The following NEBL variants were observed in gnomAD, a reference collection of about 807,000 sequenced individuals.
NEBL encodes the protein LIM and SH3 protein 2.
A neutral mutation model predicts 140.2 loss-of-function variants in NEBL; 122 were observed. The ratio of observed to expected loss-of-function variants is 0.87; its 90% CI spans 0.75 to 1.01. The LOEUF is 1.01. Among genes scored for constraint, NEBL ranks in the 50% least tolerant of loss-of-function variants. The pLI is 0.00. For missense variants in NEBL, 1,365 were observed against 1,231.3 expected (o/e 1.11, Z -1.62); for synonymous variants, 436 against 398.9 (o/e 1.09, Z -1.11).
rs534880112 is a variant in NEBL, at chr10:20,892,258, G to A, written c.154-2309C>T. 2.6e-5 allele frequency among the ~76,000 whole-genome samples: 4 copies of A among 152,362 alleles called. No homozygotes were observed. In the South Asian group the frequency reaches 8.3e-4, roughly 32 times the overall value. On this transcript the variant is annotated intron_variant, in intron 2 of 27. Coordinates refer to ENST00000377122, the MANE Select transcript of NEBL (RefSeq NM_006393.3). ...TGTGACTTTAGTGGAAATCTTCCCA[G>A]AAGTGCTTCTAGTGTTTCTGGTACA...
At chr10:20,902,650 T>C (rs1847921098) in intron 4 of NEBL, among the ~76,000 whole-genome samples, 3 of 152,176 alleles carry the variant, frequency 2.0e-5, no homozygotes, top group Admixed American at 2.0e-4. Flanking sequence ...TACATTAACA[T>C]AGCGCCCATT....
chr10:20,781,190 TA>T lies in NEBL; in HGVS notation c.*4556del, dbSNP rs1484193438. 1.3e-5 allele frequency: 2 copies of T among 152,638 alleles called. No homozygotes were observed. The highest frequency in any genetic ancestry group is 2.9e-5 in the Non-Finnish European group (2 of 68,046). The allele number at this position is 152,638 out of a possible 1,614,324, so 9.5% of individuals were successfully genotyped here. A position where few individuals can be genotyped will look rare whatever the true frequency, so the allele number is the denominator to read the frequency against. On this transcript the variant is annotated 3_prime_UTR_variant, in exon 28 of 28. Coordinates refer to ENST00000377122, the MANE Select transcript of NEBL (RefSeq NM_006393.3). ...TAAAATATATTTTAATAGCTGGTGT[TA>T]ACAATTTGCATAACAAAAGCCAAAT...
At chr10:20,822,401 A>G (rs1266025865) in intron 19 of NEBL, among the ~76,000 whole-genome samples, 1 of 151,862 alleles carries the variant, frequency 6.6e-6, no homozygotes, top group South Asian at 2.1e-4. Flanking sequence ...ATTTTCATAA[A>G]TATATATATT....
intron 5 of NEBL, among the ~76,000 whole-genome samples, chr10:20,873,803 C>T (rs914155257): frequency 6.6e-6 from 1 of 152,054 alleles, no homozygotes; most frequent in Non-Finnish European, 1.5e-5. Flanking sequence ...GAGCATTGCA[C>T]TGAATCTATA....
At chr10:20,894,926 CTA>C (rs1491265386) in intron 2 of NEBL, among the ~76,000 whole-genome samples, 3 of 102,642 alleles carry the variant, frequency 2.9e-5, no homozygotes, top group African/African-American at 1.2e-4. Flanking sequence ...GAGACTCTGT[CTA>C]AAAAAAAAAA....
intron 3 of NEBL, among the ~76,000 whole-genome samples, chr10:20,966,645 A>C (rs559052491): frequency 1.3e-5 from 2 of 152,226 alleles, no homozygotes; most frequent in Non-Finnish European, 2.9e-5. Flanking sequence ...ACACCGGAGC[A>C]GTTCTGGACC....
intron 2 of NEBL, among the ~76,000 whole-genome samples, chr10:21,106,520 C>T (rs1023692575): frequency 1.1e-4 from 16 of 152,188 alleles, no homozygotes; most frequent in East Asian, 3.9e-4. Context: ...GTTTCTGAGG[C>T]CTCTGTTCTG....
intron 3 of NEBL, among the ~76,000 whole-genome samples, chr10:21,190,864 G>C (rs868584301): frequency 1.3e-5 from 2 of 152,250 alleles, no homozygotes; most frequent in Middle Eastern, 6.8e-3. Context: ...TTAACCAACT[G>C]TATTTTATTG....
chr10:20,984,488 C>A (rs907411812), intron 3 of NEBL, among the ~76,000 whole-genome samples: 7 of 152,058 alleles, frequency 4.6e-5, no homozygotes, highest in Non-Finnish European at 1.0e-4. Flanking sequence ...ATGAGAGGAC[C>A]TTTGTCTCAT....
chr10:21,036,542 G>A (rs554145272), intron 2 of NEBL, among the ~76,000 whole-genome samples: 5 of 152,050 alleles, frequency 3.3e-5, no homozygotes, highest in Non-Finnish European at 7.4e-5. Context: ...CAATGAATAG[G>A]AGCAGATTGA....
intron 1 of NEBL, among the ~76,000 whole-genome samples, chr10:21,291,311 G>C (rs553039470): frequency 6.6e-6 from 1 of 151,354 alleles, no homozygotes; most frequent in African/African-American, 2.4e-5. Flanking sequence ...TTCAAGACCA[G>C]CCTGGCCAAC....
intron 2 of NEBL, among the ~76,000 whole-genome samples, chr10:21,248,757 C>T (rs1307179225): frequency 2.0e-5 from 3 of 152,052 alleles, no homozygotes; most frequent in South Asian, 2.1e-4. Context: ...TTTTCCATGG[C>T]GGCTGCACCA....
At chr10:21,240,899 C>T (rs1369066037) in intron 3 of NEBL, among the ~76,000 whole-genome samples, 1 of 135,492 alleles carries the variant, frequency 7.4e-6, no homozygotes, top group Non-Finnish European at 1.5e-5. Flanking sequence ...GGGCAAAACA[C>T]GCACACATAC....
rs752889494 is a variant in NEBL at position 20,889,983 on chromosome 10, A to G, written c.154-34T>C. 3.6e-6 allele frequency: 5 copies of G among 1,373,566 alleles called. No individual in the cohort carries two copies. In the East Asian group the frequency reaches 9.2e-5, roughly 25 times the overall value. The allele number at this position is 1,373,566 out of a possible 1,614,324, so 85.1% of individuals were successfully genotyped here. The stretch of plus-strand genomic sequence containing the variant: ...GAGAATGATTTACATAAGAAGAGAA[A>G]AAGAAAAACAATTCTAATGGCCTTT... On this transcript the variant is annotated intron_variant, in intron 2 of 27. Coordinates refer to ENST00000377122, the MANE Select transcript of NEBL (RefSeq NM_006393.3).
At chr10:21,058,465 A>AG (rs946055974) in intron 2 of NEBL, among the ~76,000 whole-genome samples, 5 of 152,180 alleles carry the variant, frequency 3.3e-5, no homozygotes, top group African/African-American at 1.2e-4. Flanking sequence ...TAAAATATGG[A>AG]GAAAAAAAGG....
chr10:21,038,048 T>A (rs145770694), intron 2 of NEBL, among the ~76,000 whole-genome samples: 9 of 152,072 alleles, frequency 5.9e-5, no homozygotes, highest in Non-Finnish European at 1.3e-4. Flanking sequence ...GAGAGAAAAG[T>A]TTGCCTCTAA....
intron 2 of NEBL, among the ~76,000 whole-genome samples, chr10:21,126,930 G>A (rs572607807): frequency 3.5e-5 from 5 of 142,634 alleles, no homozygotes; most frequent in East Asian, 4.3e-4. Flanking sequence ...AGCAGAGATC[G>A]AGCCACTACA....
At chr10:20,797,747 G>A (rs1022403562) in intron 26 of NEBL, among the ~76,000 whole-genome samples, 1 of 152,060 alleles carries the variant, frequency 6.6e-6, no homozygotes, top group Non-Finnish European at 1.5e-5. Flanking sequence ...TTGACAGACA[G>A]AACAGTAGAC....
At chr10:20,978,864 C>G (rs1287234611) in intron 3 of NEBL, among the ~76,000 whole-genome samples, 2 of 152,084 alleles carry the variant, frequency 1.3e-5, no homozygotes, top group African/African-American at 4.8e-5. Flanking sequence ...GTCTCCATAT[C>G]TACCCCTAGA....
Sources: gnomAD v4.1 joint callset for allele counts (sites outside exome capture counted in the v4.1 genomes callset) on GRCh38, gnomAD v4.1.1 for gene constraint, MANE v1.5 for transcripts, NCBI Gene and HGNC (gene_info 2026-07-23, HGNC 2026-07-21) for gene names.